GLIS3: variants seen among roughly 807,000 people sequenced by gnomAD.
GLIS3 encodes GLIS family zinc finger 3.
A neutral mutation model predicts 78.6 loss-of-function variants in GLIS3; 53 were observed. The observed-to-expected ratio is 0.67, with a 90% CI of 0.54 to 0.85. GLIS3 has a LOEUF of 0.85. Among genes scored for constraint, GLIS3 ranks in the 40% least tolerant of loss-of-function variants. The pLI, the probability that GLIS3 is intolerant of heterozygous loss-of-function variation, is 0.00. For synonymous variants in GLIS3, 684 were observed against 509.9 expected (o/e 1.34, Z -4.60); for missense variants, 1,703 against 1,231.1 (o/e 1.38, Z -5.74).
At chr9:4,012,818 G>A (rs1391955597) in intron 4 of GLIS3, among the ~76,000 whole-genome samples, 1 of 136,980 alleles carries the variant, frequency 7.3e-6, no homozygotes, top group Non-Finnish European at 1.5e-5. Context: ...TATCATCCAG[G>A]CTGGAGTGCA....
chr9:4,050,786 C>T (rs1248900187), intron 4 of GLIS3, among the ~76,000 whole-genome samples: 1 of 152,080 alleles, frequency 6.6e-6, no homozygotes, highest in African/African-American at 2.4e-5. Context: ...CTGAAAGTCA[C>T]TGGCATCACT....
intron 1 of GLIS3, among the ~76,000 whole-genome samples, chr9:4,298,185 C>T (rs1477558651): frequency 1.3e-5 from 2 of 152,034 alleles, no homozygotes; most frequent in African/African-American, 2.4e-5. Context: ...GCGCGCTGCC[C>T]GGCCTGGCCG....
At chr9:4,150,750 C>T (rs1834615850) in intron 2 of GLIS3, among the ~76,000 whole-genome samples, 1 of 152,130 alleles carries the variant, frequency 6.6e-6, no homozygotes, top group African/African-American at 2.4e-5. Flanking sequence ...TGTCCAACCT[C>T]CTTATTTTAT....
chr9:3,896,298 C>A (rs1822824335), intron 7 of GLIS3, among the ~76,000 whole-genome samples: 1 of 152,082 alleles, frequency 6.6e-6, no homozygotes, highest in African/African-American at 2.4e-5. Flanking sequence ...CTCTGCAAAA[C>A]AAAAGGCGTA....
intron 2 of GLIS3, among the ~76,000 whole-genome samples, chr9:4,344,477 T>C (rs1817875423): frequency 6.6e-6 from 1 of 152,314 alleles, no homozygotes; most frequent in Non-Finnish European, 1.5e-5. Flanking sequence ...CTTCTCTGCC[T>C]CCTCCTCTCA....
At chr9:4,410,913 C>G in the GLIS3 span, among the ~76,000 whole-genome samples, 27 of 152,286 alleles carry the variant, frequency 1.8e-4, no homozygotes, top group African/African-American at 6.5e-4. Context: ...CACCTTTAGT[C>G]ACTGTGAGAA....
Position 4,094,698 on chromosome 9 carries a change from C to G in GLIS3, c.1710+23070G>C, listed in dbSNP as rs551456906. ...GTTAAAGGACCATGCCTGTACATTT[C>G]TTCTATTCTAAGACAACATGTTCTC... On this transcript the variant is annotated intron_variant, in intron 4 of 10. Coordinates refer to ENST00000381971, the MANE Select transcript of GLIS3 (RefSeq NM_001042413.2). 2.0e-5 allele frequency among the ~76,000 whole-genome samples: 3 copies of G among 152,280 alleles called. No individual in the cohort carries two copies. In the East Asian group the frequency reaches 5.8e-4, roughly 29 times the overall value.
At chr9:4,160,586 G>C (rs1029301086) in intron 2 of GLIS3, among the ~76,000 whole-genome samples, 9 of 152,170 alleles carry the variant, frequency 5.9e-5, no homozygotes, top group African/African-American at 1.9e-4. Flanking sequence ...AACCAAATGA[G>C]TCCACGTTAA....
intron 4 of GLIS3, among the ~76,000 whole-genome samples, chr9:3,991,420 A>G (rs1820223426): frequency 6.6e-6 from 1 of 152,172 alleles, no homozygotes; most frequent in South Asian, 2.1e-4. Flanking sequence ...AATAAAACAA[A>G]ATGAATCAAT....
intron 2 of GLIS3, among the ~76,000 whole-genome samples, chr9:4,196,739 G>A (rs553300946): frequency 1.3e-4 from 20 of 152,302 alleles, no homozygotes; most frequent in Admixed American, 9.8e-4. Flanking sequence ...AACACTCACC[G>A]TGAGGGTCCG....
At chr9:3,922,023 A>G (rs368182400) in intron 6 of GLIS3, among the ~76,000 whole-genome samples, 16 of 152,192 alleles carry the variant, frequency 1.1e-4, no homozygotes, top group Non-Finnish European at 2.1e-4. Context: ...ACAAACTGTT[A>G]CAAATTTTGG....
the GLIS3 span, among the ~76,000 whole-genome samples, chr9:4,396,904 C>T: frequency 2.0e-5 from 3 of 152,030 alleles, no homozygotes; most frequent in African/African-American, 7.2e-5. Context: ...TTTGCTCCTT[C>T]GCCTCGTGTT....
chr9:4,326,880 GCA>G (rs1817608875), intron 2 of GLIS3, among the ~76,000 whole-genome samples: 1 of 152,158 alleles, frequency 6.6e-6, no homozygotes, highest in Non-Finnish European at 1.5e-5. Flanking sequence ...GGCTGTGGGT[GCA>G]TGTCCTCTCA....
intron 2 of GLIS3, among the ~76,000 whole-genome samples, chr9:4,165,563 C>T (rs563346525): frequency 2.0e-5 from 3 of 152,230 alleles, no homozygotes; most frequent in Non-Finnish European, 4.4e-5. Context: ...CCCATACAGT[C>T]TGACATAAAG....
At chr9:3,914,699 T>C (rs1269035809) in intron 6 of GLIS3, among the ~76,000 whole-genome samples, 1 of 152,180 alleles carries the variant, frequency 6.6e-6, no homozygotes, top group Non-Finnish European at 1.5e-5. Context: ...ATTTGGTAAG[T>C]AGAAAACAGA....
intron 10 of GLIS3, 72 bp downstream of exon 10, chr9:3,829,218 TGGTCACGTCCAGCCCAGGTC>T: frequency 2.8e-6 from 3 of 1,059,984 alleles, no homozygotes; most frequent in Non-Finnish European, 4.4e-6. Flanking sequence ...GTCATGTGCT[TGGTCACGTCCAGCCCAGGTC>T]GGTCACGGGC....
chr9:4,061,234 G>T (rs1826629793), intron 4 of GLIS3, among the ~76,000 whole-genome samples: 1 of 114,734 alleles, frequency 8.7e-6, no homozygotes, highest in Non-Finnish European at 1.7e-5. Flanking sequence ...CCCCATGACA[G>T]GCCCCGGTGT....
At chr9:4,295,957 T>C (rs1186931138) in intron 1 of GLIS3, among the ~76,000 whole-genome samples, 1 of 152,180 alleles carries the variant, frequency 6.6e-6, no homozygotes, top group Non-Finnish European at 1.5e-5. Flanking sequence ...AGATTTCCTA[T>C]GTGCCTTTTT....
chr9:4,058,874 G>A (rs1826376469), intron 4 of GLIS3, among the ~76,000 whole-genome samples: 1 of 151,886 alleles, frequency 6.6e-6, no homozygotes, highest in African/African-American at 2.4e-5. Flanking sequence ...CCCAGCTACT[G>A]AGGAGGCTGA....
Sources: gnomAD v4.1 joint callset for allele counts (sites outside exome capture counted in the v4.1 genomes callset) on GRCh38, gnomAD v4.1.1 for gene constraint, MANE v1.5 for transcripts, NCBI Gene and HGNC (gene_info 2026-07-23, HGNC 2026-07-21) for gene names.